LRBA: variants seen among roughly 807,000 people sequenced by gnomAD.
LRBA encodes the protein lipopolysaccharide-responsive and beige-like anchor protein.
Under a neutral mutation model 330.0 loss-of-function variants are expected in LRBA, and 176 were observed. That is an observed-to-expected ratio of 0.53 (90% CI 0.47 to 0.60). The LOEUF (loss-of-function observed/expected upper bound fraction) is 0.60, where lower values mean the gene tolerates loss of function less well. Ranked by LOEUF, LRBA falls within the 20% of genes least tolerant of loss-of-function variation. LRBA has a pLI of 0.00. For missense variants in LRBA, 3,259 were observed against 3,444.8 expected (o/e 0.95, Z 1.35); for synonymous variants, 1,230 against 1,193.0 (o/e 1.03, Z -0.64).
chr4:150,322,685 A>G (rs1732680777), intron 49 of LRBA, among the ~76,000 whole-genome samples: 1 of 152,206 alleles, frequency 6.6e-6, no homozygotes, highest in Non-Finnish European at 1.5e-5. Flanking sequence ...AAAGGTGTAA[A>G]TAAAGGCAAC....
At chr4:150,315,514 A>G (rs781588316) in intron 51 of LRBA, 47 bp downstream of exon 51, 1 of 1,465,804 alleles carries the variant, frequency 6.8e-7, no homozygotes, top group Admixed American at 1.7e-5. Context: ...CTTCAGGGCC[A>G]CCATACAGAG....
intron 2 of LRBA, among the ~76,000 whole-genome samples, chr4:150,955,438 A>C (rs374576421): frequency 6.7e-6 from 1 of 149,114 alleles, no homozygotes; most frequent in African/African-American, 2.6e-5. Flanking sequence ...AATCAACAAT[A>C]TAACCTTTGA....
rs189913700 is a variant in LRBA, at chr4:150,674,359, T to C, written c.5921+9192A>G. 5.3e-3 allele frequency among the ~76,000 whole-genome samples: 812 copies of C among 152,012 alleles called. 2 individuals are homozygous for C. The highest frequency in any genetic ancestry group is 7.1e-3 in the Non-Finnish European group (480 of 67,970). ...AAAGTCAAACAGTCACAGCCTTTTA[T>C]TGTTCACCACAGTTGAAGTAGCAAA... On this transcript the variant is annotated intron_variant, in intron 37 of 56. Coordinates refer to ENST00000651943, the MANE Select transcript of LRBA (RefSeq NM_001364905.1).
chr4:150,434,654 C>A (rs1441741907), intron 46 of LRBA, among the ~76,000 whole-genome samples: 1 of 151,962 alleles, frequency 6.6e-6, no homozygotes, highest in Non-Finnish European at 1.5e-5. Flanking sequence ...CAGTTCAAGA[C>A]CAGCCTGGGC....
chr4:150,721,461 G>A, intron 36 of LRBA: 1 of 282,102 alleles, frequency 3.5e-6, no homozygotes. Flanking sequence ...AGAAGTTTTT[G>A]TGATCATTGA....
intron 53 of LRBA, among the ~76,000 whole-genome samples, chr4:150,289,233 G>C (rs1483819771): frequency 1.3e-5 from 2 of 152,064 alleles, no homozygotes; most frequent in Non-Finnish European, 2.9e-5. Context: ...CAAAATACTA[G>C]TTTCCAATAA....
At chr4:150,352,679 C>G (rs916048471) in intron 47 of LRBA, among the ~76,000 whole-genome samples, 6 of 152,158 alleles carry the variant, frequency 3.9e-5, no homozygotes, top group Middle Eastern at 3.4e-3. Flanking sequence ...TGAAAAAAAT[C>G]TAGGAACTAC....
chr4:150,722,183 G>C (rs1729027032), intron 36 of LRBA, among the ~76,000 whole-genome samples: 1 of 152,018 alleles, frequency 6.6e-6, no homozygotes, highest in Non-Finnish European at 1.5e-5. Context: ...AATAATTTGA[G>C]AAAATATATT....
intron 24 of LRBA, among the ~76,000 whole-genome samples, chr4:150,850,095 ATTTT>A (rs1408280528): frequency 7.0e-6 from 1 of 142,902 alleles, no homozygotes; most frequent in Non-Finnish European, 1.5e-5. Flanking sequence ...TGTTATAACA[ATTTT>A]TTTTTTTTTT....
At chr4:150,655,876 C>A (rs1342419396) in intron 37 of LRBA, among the ~76,000 whole-genome samples, 1 of 152,192 alleles carries the variant, frequency 6.6e-6, no homozygotes, top group Non-Finnish European at 1.5e-5. Flanking sequence ...CAAATAGCTA[C>A]TTTCCAAAGG....
chr4:150,920,465 CT>C (rs1292189500), intron 5 of LRBA, among the ~76,000 whole-genome samples: 3 of 152,140 alleles, frequency 2.0e-5, no homozygotes, highest in African/African-American at 7.2e-5. Flanking sequence ...AGAAGAATCG[CT>C]TGAAACCAGG....
At position 150,824,507 on chromosome 4, in the gene LRBA, G is replaced by C. The variant is rs149501472; in HGVS notation, c.5171+3673C>G. Among the ~76,000 whole-genome samples the C allele has an allele frequency of 3.5e-3, 532 of 152,224 alleles. 2 individuals are homozygous for C. The highest frequency in any genetic ancestry group is 0.012 in the African/African-American group (504 of 41,538). On this transcript the variant is annotated intron_variant, in intron 30 of 56. Transcript: ENST00000651943. The stretch of plus-strand genomic sequence containing the variant: ...TCTCATTCCAGATTTTAGAGAAAAG[G>C]CTTTCAGTTTTTCTCTGTTCCATAT...
chr4:151,006,258 G>A (rs1194798806), intron 2 of LRBA, among the ~76,000 whole-genome samples: 14 of 152,118 alleles, frequency 9.2e-5, no homozygotes, highest in South Asian at 4.1e-4. Flanking sequence ...ACCCAGAGGC[G>A]GAGGCTGCCG....
chr4:150,459,234 T>C (rs1754462320), intron 44 of LRBA, among the ~76,000 whole-genome samples: 4 of 151,872 alleles, frequency 2.6e-5, no homozygotes, highest in Admixed American at 2.6e-4. Context: ...CCTCCTGTTT[T>C]CCATCCTTTA....
chr4:150,693,353 G>C (rs1050395532), intron 36 of LRBA, among the ~76,000 whole-genome samples: 6 of 151,862 alleles, frequency 4.0e-5, no homozygotes, highest in African/African-American at 1.5e-4. Flanking sequence ...CACGAGGTCA[G>C]GAGATCGAGA....
intron 2 of LRBA, among the ~76,000 whole-genome samples, chr4:151,011,119 G>A (rs1323906425): frequency 1.4e-5 from 2 of 146,064 alleles, no homozygotes; most frequent in Non-Finnish European, 3.0e-5. Context: ...CCCAGGAGGC[G>A]GAGCTTGCAG....
At chr4:150,300,834 T>C (rs2359941) in intron 53 of LRBA, among the ~76,000 whole-genome samples, 132,082 of 152,094 alleles carry the variant, frequency 0.87, 58,047 homozygotes, top group Non-Finnish European at 0.93. Flanking sequence ...AATGCAATAG[T>C]AATTACATAC....
intron 2 of LRBA, among the ~76,000 whole-genome samples, chr4:150,989,433 T>C (rs1405388079): frequency 6.6e-6 from 1 of 151,006 alleles, no homozygotes; most frequent in Non-Finnish European, 1.5e-5. Context: ...GCCAATATGG[T>C]GAAACCTCGA....
intron 36 of LRBA, among the ~76,000 whole-genome samples, chr4:150,709,999 G>C (rs2127031283): frequency 6.6e-6 from 1 of 152,100 alleles, no homozygotes. Flanking sequence ...CAATGGGAAG[G>C]AACTGGATGT....
Sources: gnomAD v4.1 joint callset for allele counts (sites outside exome capture counted in the v4.1 genomes callset) on GRCh38, gnomAD v4.1.1 for gene constraint, MANE v1.5 for transcripts, NCBI Gene and HGNC (gene_info 2026-07-23, HGNC 2026-07-21) for gene names.